BRWD1: variants seen among roughly 807,000 people sequenced by gnomAD.
BRWD1 encodes the protein bromodomain and WD repeat-containing protein 1.
In BRWD1, 82 loss-of-function variants were observed where a neutral mutation model predicts 251.2. The observed-to-expected ratio is 0.33, with a 90% CI of 0.27 to 0.39. BRWD1 has a LOEUF of 0.39. BRWD1 is among the 10% of genes least tolerant of loss of function. BRWD1 has a pLI of 1.00. For missense variants in BRWD1, 2,233 were observed against 2,711.6 expected, an observed-to-expected ratio of 0.82 and a Z score of 3.92; for synonymous variants, 918 against 902.8, an observed-to-expected ratio of 1.02 and a Z score of -0.30.
At chr21:39,236,548 C>CT (rs1203876673) in intron 23 of BRWD1, 47 bp downstream of exon 23, 3 of 1,424,928 alleles carry the variant, frequency 2.1e-6, no homozygotes, top group Non-Finnish European at 2.9e-6. Flanking sequence ...TGGGGTAAAG[C>CT]TGGGGTATCA....
At chr21:39,275,822 C>T (rs527918968) in intron 12 of BRWD1, among the ~76,000 whole-genome samples, 6 of 152,108 alleles carry the variant, frequency 3.9e-5, no homozygotes, top group Non-Finnish European at 8.8e-5. Flanking sequence ...CACCTGAAGT[C>T]GGGAGTTCGA....
chr21:39,274,306 AGAG>A, intron 13 of BRWD1, 65 bp downstream of exon 13: 1 of 149,692 alleles, frequency 6.7e-6, no homozygotes, highest in Non-Finnish European at 1.1e-5. Flanking sequence ...ACAGAGAGCG[AGAG>A]AGAGAGAGAG....
At chr21:39,277,129 A>C in intron 11 of BRWD1, 122 bp downstream of exon 11, 1 of 539,978 alleles carries the variant, frequency 1.9e-6, no homozygotes, top group Non-Finnish European at 3.0e-6. Context: ...TATAAATGAC[A>C]GTTCATTTGT....
At chr21:39,311,141 C>T (rs2036469552) in intron 4 of BRWD1, among the ~76,000 whole-genome samples, 4 of 151,550 alleles carry the variant, frequency 2.6e-5, no homozygotes, top group Admixed American at 1.3e-4. Context: ...GCAATTCTAC[C>T]AACAAAAGCC....
intron 4 of BRWD1, among the ~76,000 whole-genome samples, chr21:39,305,571 A>G (rs1016556123): frequency 2.0e-5 from 3 of 152,084 alleles, no homozygotes; most frequent in Non-Finnish European, 4.4e-5. Flanking sequence ...TCTACTAAAA[A>G]TACAAAAATT....
chr21:39,318,647 G>GT (rs927237783), upstream of BRWD1, among the ~76,000 whole-genome samples: 82 of 152,084 alleles, frequency 5.4e-4, no homozygotes, highest in Non-Finnish European at 7.5e-4. Context: ...TTTTTGTTTT[G>GT]TTTTTTTCCG....
At position 39,188,113 on chromosome 21, in the gene BRWD1, C is replaced by T; in HGVS notation, c.*8146G>A. The T allele has an allele frequency of 1.0e-6, 1 of 985,396 alleles. No individual in the cohort carries two copies. Among genetic ancestry groups the T allele is most frequent in the South Asian group, 4.7e-5 (1 of 21,292 alleles). The allele number at this position is 985,396 out of a possible 1,614,324, so 61.0% of individuals were successfully genotyped here. Reference sequence around the variant, plus strand: ...TAGGAGGGCTCAGATATGTTTGTTACCAGTGTCTCAAAGCCAAATTTTCAA... The same window carrying T: ...TAGGAGGGCTCAGATATGTTTGTTATCAGTGTCTCAAAGCCAAATTTTCAA... On this transcript the variant is annotated 3_prime_UTR_variant, in exon 41 of 41. Coordinates refer to ENST00000342449, the MANE Select transcript of BRWD1 (RefSeq NM_033656.4).
At position 39,312,912 on chromosome 21, in the gene BRWD1, C is replaced by G; in HGVS notation, c.139-12G>C. On this transcript the variant is annotated splice_polypyrimidine_tract_variant and intron_variant, in intron 3 of 40. Coordinates refer to ENST00000342449, the MANE Select transcript of BRWD1 (RefSeq NM_033656.4). ...CTCTTCGGCAACAACTGGAAAGACACGAAACGCACACGAGTGACCACCCCT... is the reference window on the plus strand; with the variant it reads ...CTCTTCGGCAACAACTGGAAAGACAGGAAACGCACACGAGTGACCACCCCT... The G allele has an allele frequency of 6.6e-7, 1 of 1,507,650 alleles. No homozygotes were observed. The allele number at this position is 1,507,650 out of a possible 1,614,324, so 93.4% of individuals were successfully genotyped here.
In BRWD1 at chr21:39,188,929, T is replaced by C. The variant is rs1363901557; in HGVS notation, c.*7330A>G. The C allele has an allele frequency of 1.0e-6, 1 of 985,240 alleles. No homozygotes were observed. Among genetic ancestry groups the C allele is most frequent in the Admixed American group, 6.2e-5 (1 of 16,248 alleles). The allele number at this position is 985,240 out of a possible 1,614,324, so 61.0% of individuals were successfully genotyped here. A position where few individuals can be genotyped will look rare whatever the true frequency, so the allele number is the denominator to read the frequency against. On this transcript the variant is annotated 3_prime_UTR_variant, in exon 41 of 41. Transcript: ENST00000342449. Reference sequence around the variant, plus strand: ...CCAGAGTAAGACACTCATCACGGCATTACTCTCATGCAGCATGCCCTTACC... The same window carrying C: ...CCAGAGTAAGACACTCATCACGGCACTACTCTCATGCAGCATGCCCTTACC...
intron 23 of BRWD1, chr21:39,235,621 C>A: frequency 4.5e-6 from 1 of 222,546 alleles, no homozygotes. Flanking sequence ...AGGTCAAAAT[C>A]TCTAGGAGAA....
Position 39,250,781 on chromosome 21 carries a change from C to T in BRWD1, c.2349+15G>A. Reference sequence around the variant, plus strand: ...TGTAATTTCTAATTTGCTAAGAAAACAGAATTTAGGTTACCTTATGTGAGA... The same window carrying T: ...TGTAATTTCTAATTTGCTAAGAAAATAGAATTTAGGTTACCTTATGTGAGA... On this transcript the variant is annotated intron_variant, in intron 20 of 40. Coordinates refer to ENST00000342449, the MANE Select transcript of BRWD1 (RefSeq NM_033656.4). 1.3e-6 allele frequency: 2 copies of T among 1,482,034 alleles called. No individual in the cohort carries two copies. Among genetic ancestry groups the T allele is most frequent in the Non-Finnish European group, 1.8e-6 (2 of 1,092,178 alleles). 91.8% of individuals were successfully genotyped at this position (1,482,034 alleles called of 1,614,324 possible).
intron 7 of BRWD1, 112 bp downstream of exon 7, chr21:39,295,631 C>CTGAGT: frequency 1.2e-6 from 1 of 839,978 alleles, no homozygotes; most frequent in East Asian, 2.8e-5. Flanking sequence ...ACCATACCTA[C>CTGAGT]TGAGTCAAAA....
chr21:39,297,886 C>T, intron 5 of BRWD1: 1 of 983,988 alleles, frequency 1.0e-6, no homozygotes, highest in Non-Finnish European at 1.2e-6. Context: ...ATATACCAAG[C>T]TAACAGAAAA....
chr21:39,274,304 CGAGA>C (rs56135543), intron 13 of BRWD1, 66 bp downstream of exon 13: 34,244 of 957,204 alleles, frequency 0.036, 10 homozygotes, highest in Non-Finnish European at 0.042. Flanking sequence ...ACACAGAGAG[CGAGA>C]GAGAGAGAGA....
chr21:39,197,286 G>A lies in BRWD1; in HGVS notation c.5783C>T (p.Thr1928Ile). The change falls in exon 41 of 41, where the codon ACT becomes ATT. Residue 1928 changes from threonine (T) to isoleucine (I), a missense_variant. By Grantham distance (89) the Thr-to-Ile change is moderately conservative. Transcript: ENST00000342449. ...GGCAGCCGTAGCTGCACATCTTCGA[G>A]TAATCCTCAGGAGACCTGTTCTGGC... ...SKARTGLLRITRRCAATAANK... is the reference protein window; with the variant it reads ...SKARTGLLRIIRRCAATAANK... 6.2e-7 allele frequency: 1 copy of A among 1,614,040 alleles called. No homozygotes were observed. The highest frequency in any genetic ancestry group is 8.5e-7 in the Non-Finnish European group (1 of 1,179,962).
chr21:39,196,940 T>C lies in BRWD1; in HGVS notation c.6129A>G (p.Lys2043=), dbSNP rs1214464504. The change falls in exon 41 of 41, where the codon AAA becomes AAG. Residue 2043 remains lysine (K), a synonymous_variant. Coordinates refer to ENST00000342449, the MANE Select transcript of BRWD1 (RefSeq NM_033656.4). The part of the protein sequence containing the change: ...TNIHKIDAPS[K]RKSSSVTSSG... The stretch of plus-strand genomic sequence containing the variant: ...AAGATGTAACAGAGGAACTTTTTCT[T>C]TTAGAAGGTGCATCTATTTTGTGAA... 7 of 1,613,830 alleles carry C rather than the reference T, an allele frequency of 4.3e-6. No homozygotes were observed. The African/African-American group carries it at 6.7e-5, about 15-fold the overall frequency.
chr21:39,211,022 C>G lies in BRWD1; in HGVS notation c.3901-93G>C. Reference sequence around the variant, plus strand: ...TGATCTACTGTCTTCTATAAAAATACAATAATGTCATATATGTTGCTCTCA... The same window carrying G: ...TGATCTACTGTCTTCTATAAAAATAGAATAATGTCATATATGTTGCTCTCA... On this transcript the variant is annotated intron_variant, in intron 34 of 40. Coordinates refer to ENST00000342449, the MANE Select transcript of BRWD1 (RefSeq NM_033656.4). 4 of 1,280,636 alleles carry G rather than the reference C, an allele frequency of 3.1e-6. No individual in the cohort carries two copies. The South Asian group carries it at 4.4e-5, about 14-fold the overall frequency. The allele number at this position is 1,280,636 out of a possible 1,614,324, so 79.3% of individuals were successfully genotyped here.
chr21:39,312,877 C>CGAGATCTA lies in BRWD1; in HGVS notation c.161_162insTAGATCTC (p.Trp54CysfsTer91). 1 of 1,558,832 alleles carries CGAGATCTA rather than the reference C, an allele frequency of 6.4e-7. No homozygotes were observed. Among genetic ancestry groups the CGAGATCTA allele is most frequent in the Non-Finnish European group, 8.7e-7 (1 of 1,153,962 alleles). ...AGCTCCTGTTGTGCTCGTTGCCCTC[C>CGAGATCTA]CAGTCCAATCTCTTCGGCAACAACT... On this transcript the variant is annotated frameshift_variant, in exon 4 of 41. Coordinates refer to ENST00000342449, the MANE Select transcript of BRWD1 (RefSeq NM_033656.4). LOFTEE classifies it high-confidence loss of function.
chr21:39,306,052 G>C (rs1482369105), intron 4 of BRWD1, among the ~76,000 whole-genome samples: 1 of 150,620 alleles, frequency 6.6e-6, no homozygotes, highest in Non-Finnish European at 1.5e-5. Context: ...AAAGAATTGA[G>C]ACTAGTTATC....
Sources: allele counts gnomAD v4.1 joint callset (sites outside exome capture counted in the v4.1 genomes callset), GRCh38; gene constraint gnomAD v4.1.1; transcripts MANE v1.5; gene names NCBI Gene and HGNC (gene_info 2026-07-23, HGNC 2026-07-21).